The following DENND6A variants were observed in gnomAD, a reference collection of about 807,000 sequenced individuals.
DENND6A encodes protein DENND6A.
DENND6A carries 43 observed loss-of-function variants against 95.5 expected under a neutral mutation model. That is an observed-to-expected ratio of 0.45 (90% CI 0.35 to 0.58). The LOEUF (loss-of-function observed/expected upper bound fraction) is 0.58, where lower values mean the gene tolerates loss of function less well. Among genes scored for constraint, DENND6A ranks in the 20% least tolerant of loss-of-function variants. DENND6A has a pLI of 0.00. For synonymous variants in DENND6A, 257 were observed against 260.4 expected, an observed-to-expected ratio of 0.99 and a Z score of 0.13; for missense variants, 574 against 736.0, an observed-to-expected ratio of 0.78 and a Z score of 2.55.
At chr3:57,685,932 A>G (rs942749608) in intron 1 of DENND6A, among the ~76,000 whole-genome samples, 4 of 152,206 alleles carry the variant, frequency 2.6e-5, no homozygotes, top group African/African-American at 9.6e-5. Flanking sequence ...CAGCTGGTTT[A>G]CAAGAAAAAC....
rs1194734831 is a variant in DENND6A at position 57,633,322 on chromosome 3, T to C, written c.1296A>G (p.Gln432=). 6.2e-7 allele frequency: 1 copy of C among 1,613,884 alleles called. No individual in the cohort carries two copies. Residue 432 remains glutamine, a synonymous_variant, in exon 15 of 20, where the codon CAA becomes CAG. Coordinates refer to ENST00000311128, the MANE Select transcript of DENND6A (RefSeq NM_152678.3). The part of the protein sequence containing the change: ...GVQQKRPSEA[Q]SVILRRYFLE... ...AAAAATAGCGTCGAAGAATAACACT[T>C]TGAGCCTCAGAAGGACGTTTCTGTT... is the stretch of plus-strand genomic sequence containing the variant.
intron 9 of DENND6A, among the ~76,000 whole-genome samples, chr3:57,651,825 A>G (rs2071216002): frequency 1.3e-5 from 2 of 152,236 alleles, no homozygotes; most frequent in South Asian, 4.1e-4. Context: ...GACAATTTGA[A>G]TATCAAAATA....
At chr3:57,644,350 G>A (rs1050601237) in intron 11 of DENND6A, among the ~76,000 whole-genome samples, 1 of 151,844 alleles carries the variant, frequency 6.6e-6, no homozygotes, top group African/African-American at 2.4e-5. Flanking sequence ...TGTTCCCCAG[G>A]GCTGGAGTCC....
At chr3:57,641,294 T>C (rs1488566200) in intron 12 of DENND6A, among the ~76,000 whole-genome samples, 2 of 143,910 alleles carry the variant, frequency 1.4e-5, no homozygotes, top group Non-Finnish European at 3.0e-5. Context: ...TTAAATATTA[T>C]ATATTTAAAT....
intron 1 of DENND6A, among the ~76,000 whole-genome samples, chr3:57,676,307 G>A (rs918155590): frequency 5.3e-5 from 8 of 150,654 alleles, no homozygotes; most frequent in African/African-American, 1.7e-4. Context: ...TTGAACCTGG[G>A]AGGCAGAGGT....
At chr3:57,665,985 C>T (rs1053545198) in intron 4 of DENND6A, 138 bp downstream of exon 4, 33 of 560,714 alleles carry the variant, frequency 5.9e-5, no homozygotes, top group African/African-American at 5.6e-4. Context: ...ATGAATAAGA[C>T]TCACTTTGGA....
chr3:57,667,264 A>G (rs1293760119), intron 3 of DENND6A, among the ~76,000 whole-genome samples: 6 of 152,104 alleles, frequency 3.9e-5, no homozygotes, highest in Non-Finnish European at 8.8e-5. Flanking sequence ...TCCTGATCTC[A>G]GGTGATCTGC....
At chr3:57,692,632 G>A in intron 1 of DENND6A, 150 bp downstream of exon 1, 2 of 686,442 alleles carry the variant, frequency 2.9e-6, no homozygotes, top group Non-Finnish European at 4.4e-6. Context: ...CCGTAGGACC[G>A]CAGCCCGAAA....
rs780390845 is a variant in DENND6A at position 57,692,794 on chromosome 3, G to C, written c.225C>G (p.Gly75=). The C allele has an allele frequency of 3.2e-6, 5 of 1,544,544 alleles. No individual in the cohort carries two copies. Among genetic ancestry groups the C allele is most frequent in the Non-Finnish European group, 4.3e-6 (5 of 1,150,490 alleles). ...GGCCGGGCCTCACCTCCACGGCCTG[G>C]CCCAGCTCCAGGTCGAAGCCCACCA... ...VCVVGFDLEL[G]QAVEVIYPQH... is the part of the protein sequence containing the mutation. Residue 75 remains glycine, a synonymous_variant, in exon 1 of 20, where the codon GGC becomes GGG. Coordinates refer to ENST00000311128, the MANE Select transcript of DENND6A (RefSeq NM_152678.3).
chr3:57,633,885 C>T (rs2070737866), intron 14 of DENND6A, among the ~76,000 whole-genome samples: 1 of 150,390 alleles, frequency 6.6e-6, no homozygotes, highest in Admixed American at 6.6e-5. Context: ...GAGCGAAACT[C>T]CATCTCAAAA....
intron 15 of DENND6A, among the ~76,000 whole-genome samples, chr3:57,631,716 CTT>C (rs1156532234): frequency 0.05 from 4,607 of 91,654 alleles, 38 homozygotes; most frequent in Non-Finnish European, 0.075. Flanking sequence ...TCTCTGCTCT[CTT>C]TTTTTTTTTT....
In DENND6A at chr3:57,661,556, G is replaced by A; in HGVS notation, c.514-5C>T. 6.4e-7 allele frequency: 1 copy of A among 1,564,454 alleles called. No individual in the cohort carries two copies. Among genetic ancestry groups the A allele is most frequent in the Non-Finnish European group, 8.6e-7 (1 of 1,165,614 alleles). ...TTTGCTGATCAAAACCAAGGACTGA[G>A]GAAAAAACAAAAACAATGTTTTAAA... On this transcript the variant is annotated splice_region_variant and splice_polypyrimidine_tract_variant and intron_variant, in intron 5 of 19. Transcript: ENST00000311128.
At chr3:57,689,930 G>C (rs2077245437) in intron 1 of DENND6A, among the ~76,000 whole-genome samples, 3 of 151,756 alleles carry the variant, frequency 2.0e-5, no homozygotes, top group Non-Finnish European at 2.9e-5. Context: ...CGGGTGTAGT[G>C]GTGCATGTCT....
Position 57,663,765 on chromosome 3 carries a change from GTATC to G in DENND6A, c.433-53_433-50del, listed in dbSNP as rs755583996. On this transcript the variant is annotated intron_variant, in intron 4 of 19. Coordinates refer to ENST00000311128, the MANE Select transcript of DENND6A (RefSeq NM_152678.3). ...TGTGTGTGGGGGGGTACATATATAT[GTATC>G]TATATCTATATCCATATCTATATCT... 9 of 1,158,546 alleles carry G rather than the reference GTATC, an allele frequency of 7.8e-6. No homozygotes were observed. The East Asian group carries it at 2.3e-4, about 29-fold the overall frequency. The allele number at this position is 1,158,546 out of a possible 1,614,324, so 71.8% of individuals were successfully genotyped here. A position where few individuals can be genotyped will look rare whatever the true frequency, so the allele number is the denominator to read the frequency against.
At chr3:57,669,021 C>T (rs2071571290) in intron 3 of DENND6A, among the ~76,000 whole-genome samples, 1 of 152,040 alleles carries the variant, frequency 6.6e-6, no homozygotes, top group Non-Finnish European at 1.5e-5. Flanking sequence ...TACGGGCACA[C>T]ACCACCACGC....
chr3:57,668,726 T>G (rs2071566056), intron 3 of DENND6A, among the ~76,000 whole-genome samples: 1 of 152,230 alleles, frequency 6.6e-6, no homozygotes, highest in Non-Finnish European at 1.5e-5. Context: ...TCATCCAGTC[T>G]AACATGCTGT....
chr3:57,679,424 CTCT>C (rs1411156405), intron 1 of DENND6A: 3 of 852,760 alleles, frequency 3.5e-6, no homozygotes, highest in Non-Finnish European at 4.2e-6. Context: ...TTCCTATCAT[CTCT>C]TCTTCACTTC....
intron 1 of DENND6A, among the ~76,000 whole-genome samples, chr3:57,684,684 G>A (rs1462346538): frequency 6.6e-6 from 1 of 152,196 alleles, no homozygotes; most frequent in Non-Finnish European, 1.5e-5. Flanking sequence ...TTGACAGGCT[G>A]AGGTGAGAGA....
intron 1 of DENND6A, among the ~76,000 whole-genome samples, chr3:57,689,199 C>A (rs553462955): frequency 6.6e-6 from 1 of 151,888 alleles, no homozygotes; most frequent in Non-Finnish European, 1.5e-5. Flanking sequence ...GTGATCTGCC[C>A]GCCTCGGCCT....
Sources: gnomAD v4.1 joint callset for allele counts (sites outside exome capture counted in the v4.1 genomes callset) on GRCh38, gnomAD v4.1.1 for gene constraint, MANE v1.5 for transcripts, NCBI Gene and HGNC (gene_info 2026-07-23, HGNC 2026-07-21) for gene names.